Variants in DYNC1I1 observed in about 807,000 individuals in gnomAD.
DYNC1I1 encodes cytoplasmic dynein 1 intermediate chain 1.
DYNC1I1 carries 43 observed loss-of-function variants against 86.6 expected under a neutral mutation model. The observed-to-expected ratio is 0.50, with a 90% CI of 0.39 to 0.64. The LOEUF is 0.64. DYNC1I1 is among the 30% of genes least tolerant of loss of function. The probability of loss-of-function intolerance (pLI) is 0.00; values close to 1 mark genes in which losing one functional copy is unlikely to be tolerated. For missense variants in DYNC1I1, 604 were observed against 788.8 expected (o/e 0.77, Z 2.81); for synonymous variants, 262 against 283.7 (o/e 0.92, Z 0.77).
intron 5 of DYNC1I1, among the ~76,000 whole-genome samples, chr7:95,855,610 C>A (rs558219532): frequency 1.3e-5 from 2 of 152,150 alleles, no homozygotes; most frequent in African/African-American, 4.8e-5. Context: ...CTTACACAAG[C>A]GTTGATGGAA....
chr7:96,005,489 C>T (rs764262060), intron 10 of DYNC1I1, among the ~76,000 whole-genome samples: 1 of 152,084 alleles, frequency 6.6e-6, no homozygotes, highest in Non-Finnish European at 1.5e-5. Context: ...TGACACGAGA[C>T]GTATAGTAGT....
At chr7:96,039,114 A>G (rs548914026) in intron 13 of DYNC1I1, among the ~76,000 whole-genome samples, 163 bp from the exon 14 acceptor site, 5 of 152,324 alleles carry the variant, frequency 3.3e-5, no homozygotes, top group Non-Finnish European at 7.4e-5. Context: ...TTTGCAAACA[A>G]TTTCTTTCAG....
In DYNC1I1 at chr7:96,013,730, A is replaced by G. The variant is rs111456550; in HGVS notation, c.970-14445A>G. On this transcript the variant is annotated intron_variant, in intron 10 of 16. Coordinates refer to ENST00000447467, the MANE Select transcript of DYNC1I1 (RefSeq NM_001135556.2). Reference sequence around the variant, plus strand: ...GGCCTTGGCCTCCCAAAGTGCTGGGATTAGCAGGTAATTTGTTACTGCAGC... The same window carrying G: ...GGCCTTGGCCTCCCAAAGTGCTGGGGTTAGCAGGTAATTTGTTACTGCAGC... 2.1e-3 allele frequency among the ~76,000 whole-genome samples: 324 copies of G among 152,298 alleles called. 1 individual carries two copies. The highest frequency in any genetic ancestry group is 7.7e-3 in the African/African-American group (320 of 41,556).
Position 96,065,382 on chromosome 7 carries a change from T to C in DYNC1I1, c.1510-10675T>C, listed in dbSNP as rs557095921. 1.4e-4 allele frequency among the ~76,000 whole-genome samples: 21 copies of C among 147,822 alleles called. No homozygotes were observed. The South Asian group carries it at 1.7e-3, about 12-fold the overall frequency. On this transcript the variant is annotated intron_variant, in intron 14 of 16. Transcript: ENST00000447467. Reference sequence around the variant, plus strand: ...CTTTTCTTTTTTTCTTTCTTTCTTTTTTTTTTTTTTTTTGAGACAGGGTCT... The same window carrying C: ...CTTTTCTTTTTTTCTTTCTTTCTTTCTTTTTTTTTTTTTGAGACAGGGTCT...
At chr7:95,959,831 C>T (rs866595512) in intron 6 of DYNC1I1, among the ~76,000 whole-genome samples, 5 of 152,148 alleles carry the variant, frequency 3.3e-5, no homozygotes, top group Admixed American at 6.5e-5. Flanking sequence ...CAATGCTTAA[C>T]ACCTAGTAAG....
chr7:95,931,837 TTTAAA>T (rs1791907503), intron 6 of DYNC1I1, among the ~76,000 whole-genome samples: 1 of 152,242 alleles, frequency 6.6e-6, no homozygotes, highest in African/African-American at 2.4e-5. Context: ...ATTTTTTATA[TTTAAA>T]TTAATATACA....
chr7:95,959,692 ACTAC>A lies in DYNC1I1; in HGVS notation c.491-17819_491-17816del, dbSNP rs1792812428. Among the ~76,000 whole-genome samples, 11 of 152,208 alleles carry A rather than the reference ACTAC, an allele frequency of 7.2e-5. No homozygotes were observed. In the South Asian group the frequency reaches 2.3e-3, roughly 32 times the overall value. On this transcript the variant is annotated intron_variant, in intron 6 of 16. Transcript: ENST00000447467. Reference sequence around the variant, plus strand: ...TTACATACCGGTTCTATTCTTTACAACTACATGAACTTTCTTGGACTCATTTAAC... The same window carrying A: ...TTACATACCGGTTCTATTCTTTACAAATGAACTTTCTTGGACTCATTTAAC...
chr7:95,939,781 A>C (rs1311248340), intron 6 of DYNC1I1, among the ~76,000 whole-genome samples: 1 of 151,988 alleles, frequency 6.6e-6, no homozygotes, highest in African/African-American at 2.4e-5. Context: ...TTAATTGGAG[A>C]ATTTAGTCCA....
chr7:95,961,006 G>A (rs1792853244), intron 6 of DYNC1I1, among the ~76,000 whole-genome samples: 2 of 152,254 alleles, frequency 1.3e-5, no homozygotes, highest in African/African-American at 4.8e-5. Context: ...CCACAGGGTA[G>A]CTTTAATAAC....
chr7:96,100,343 CTTCCTTCCTTCCT>C (rs1225734124), downstream of DYNC1I1, among the ~76,000 whole-genome samples: 5 of 150,282 alleles, frequency 3.3e-5, no homozygotes, highest in African/African-American at 7.3e-5. Context: ...CCCTCTCTCC[CTTCCTTCCTTCCT>C]TTCCTTCCTT....
chr7:96,093,348 C>T (rs1181719128), intron 16 of DYNC1I1, among the ~76,000 whole-genome samples: 1 of 152,076 alleles, frequency 6.6e-6, no homozygotes, highest in Non-Finnish European at 1.5e-5. Flanking sequence ...TTGCCAGCAA[C>T]CAAGATAAGA....
chr7:96,028,238 T>A lies in DYNC1I1; in HGVS notation c.1033T>A (p.Ser345Thr), dbSNP rs1794728691. The A allele has an allele frequency of 6.2e-7, 1 of 1,613,926 alleles. No individual in the cohort carries two copies. The highest frequency in any genetic ancestry group is 1.3e-5 in the African/African-American group (1 of 75,030). ...TAACTTGGTGGTTGGTGGGACTTAC[T>A]CGGGCCAGATTGTCCTCTGGGACAA... is the stretch of plus-strand genomic sequence containing the variant. Reference protein sequence around the residue: ...HPNLVVGGTYSGQIVLWDNRS... With the variant: ...HPNLVVGGTYTGQIVLWDNRS... The change falls in exon 11 of 17, where the codon TCG (serine) becomes ACG (threonine). Residue 345 changes from serine to threonine, a missense_variant. Physicochemically the swap from Ser to Thr is moderately conservative, Grantham distance 58. Coordinates refer to ENST00000447467, the MANE Select transcript of DYNC1I1 (RefSeq NM_001135556.2).
chr7:95,811,445 T>C (rs1449939423), intron 3 of DYNC1I1, among the ~76,000 whole-genome samples: 1 of 151,982 alleles, frequency 6.6e-6, no homozygotes, highest in Non-Finnish European at 1.5e-5. Context: ...TTTATTTCCA[T>C]AGTTAGTTAA....
intron 6 of DYNC1I1, among the ~76,000 whole-genome samples, chr7:95,889,784 G>T (rs1790689256): frequency 6.6e-6 from 1 of 152,076 alleles, no homozygotes; most frequent in Non-Finnish European, 1.5e-5. Flanking sequence ...GTAGGCAAAG[G>T]ACATGAATAG....
intron 6 of DYNC1I1, among the ~76,000 whole-genome samples, chr7:95,939,011 G>C (rs1416361911): frequency 6.6e-6 from 1 of 152,034 alleles, no homozygotes; most frequent in African/African-American, 2.4e-5. Context: ...TGTTCTCATT[G>C]GTTTCAAAGA....
At chr7:95,814,694 A>G (rs1232562303) in intron 4 of DYNC1I1, among the ~76,000 whole-genome samples, 1 of 152,092 alleles carries the variant, frequency 6.6e-6, no homozygotes, top group East Asian at 1.9e-4. Context: ...TAAGACTGGA[A>G]TTATGTTACC....
intron 7 of DYNC1I1, among the ~76,000 whole-genome samples, chr7:95,981,406 A>G (rs1473953020): frequency 2.6e-5 from 4 of 152,094 alleles, no homozygotes; most frequent in Non-Finnish European, 5.9e-5. Context: ...TTTCTACAAT[A>G]AAAAGTGGAC....
intron 6 of DYNC1I1, among the ~76,000 whole-genome samples, chr7:95,940,692 A>G (rs1792186253): frequency 2.0e-5 from 3 of 152,176 alleles, no homozygotes; most frequent in South Asian, 4.1e-4. Context: ...TCTAGTTAAT[A>G]CATTCGTCTA....
intron 10 of DYNC1I1, among the ~76,000 whole-genome samples, chr7:96,019,919 T>A (rs1376325596): frequency 1.3e-5 from 2 of 152,064 alleles, no homozygotes; most frequent in Non-Finnish European, 2.9e-5. Context: ...GAATATATTG[T>A]TTATCTGTCT....
Sources: allele counts gnomAD v4.1 joint callset (sites outside exome capture counted in the v4.1 genomes callset), GRCh38; gene constraint gnomAD v4.1.1; transcripts MANE v1.5; gene names NCBI Gene and HGNC (gene_info 2026-07-23, HGNC 2026-07-21).